Variants in SNTG1 observed in about 807,000 individuals in gnomAD.
SNTG1 encodes the protein gamma-1-syntrophin.
Under a neutral mutation model 74.7 loss-of-function variants are expected in SNTG1, and 39 were observed. The ratio of observed to expected loss-of-function variants is 0.52; its 90% CI spans 0.40 to 0.68. The LOEUF is 0.68. Ranked by LOEUF, SNTG1 falls within the 30% of genes least tolerant of loss-of-function variation. The probability of loss-of-function intolerance (pLI) is 0.00; values close to 1 mark genes in which losing one functional copy is unlikely to be tolerated. For synonymous variants in SNTG1, 254 were observed against 217.1 expected (o/e 1.17, Z -1.49); for missense variants, 685 against 609.5 (o/e 1.12, Z -1.30).
At chr8:50,175,217 GGT>G (rs1336461962) in intron 2 of SNTG1, among the ~76,000 whole-genome samples, 1 of 151,928 alleles carries the variant, frequency 6.6e-6, no homozygotes, top group Non-Finnish European at 1.5e-5. Flanking sequence ...TAGTCCTTTG[GGT>G]ATATACCCAG....
At chr8:49,953,653 C>A (rs140627396) in intron 1 of SNTG1, among the ~76,000 whole-genome samples, 1 of 152,156 alleles carries the variant, frequency 6.6e-6, no homozygotes, top group African/African-American at 2.4e-5. Context: ...GTTATCTCAT[C>A]AGGGTATGTT....
chr8:50,734,574 T>G (rs2131632402), intron 17 of SNTG1, among the ~76,000 whole-genome samples: 1 of 150,478 alleles, frequency 6.6e-6, no homozygotes, highest in Admixed American at 6.7e-5. Context: ...GATTTTGAAC[T>G]ATGTTGTTTC....
chr8:50,589,578 T>A (rs1255948187), intron 12 of SNTG1, among the ~76,000 whole-genome samples: 1 of 141,876 alleles, frequency 7.0e-6, no homozygotes, highest in African/African-American at 3.1e-5. Context: ...TGGTTCAGAC[T>A]ATTTTTCAGA....
chr8:50,605,808 GGCTTTTATTCA>G (rs2094808059), intron 13 of SNTG1, among the ~76,000 whole-genome samples: 1 of 152,012 alleles, frequency 6.6e-6, no homozygotes, highest in African/African-American at 2.4e-5. Flanking sequence ...TATCCACGGA[GGCTTTTATTCA>G]GCCATCTTGC....
chr8:50,270,236 G>C (rs968903672), intron 2 of SNTG1, among the ~76,000 whole-genome samples: 9 of 152,050 alleles, frequency 5.9e-5, no homozygotes, highest in Non-Finnish European at 1.3e-4. Flanking sequence ...TTTTATTTTT[G>C]TCCTATAGAG....
intron 1 of SNTG1, among the ~76,000 whole-genome samples, chr8:50,155,499 G>T (rs527366901): frequency 6.6e-6 from 1 of 151,900 alleles, no homozygotes; most frequent in Non-Finnish European, 1.5e-5. Context: ...CCTTTGGCTA[G>T]GCAAAAAATT....
intron 18 of SNTG1, among the ~76,000 whole-genome samples, chr8:50,754,691 TA>T (rs1244897345): frequency 6.6e-6 from 1 of 151,910 alleles, no homozygotes; most frequent in Non-Finnish European, 1.5e-5. Context: ...AATATTTGCC[TA>T]TTTTTTAGTT....
intron 2 of SNTG1, among the ~76,000 whole-genome samples, chr8:50,224,410 T>C (rs2085226202): frequency 6.6e-6 from 1 of 152,176 alleles, no homozygotes; most frequent in Admixed American, 6.5e-5. Context: ...AAAGAGCATA[T>C]GGCTAATCTG....
At chr8:50,771,119 G>A (rs1390960348) in intron 18 of SNTG1, among the ~76,000 whole-genome samples, 2 of 152,100 alleles carry the variant, frequency 1.3e-5, no homozygotes, top group East Asian at 1.9e-4. Flanking sequence ...CACTGGAAGT[G>A]GGTAATGACT....
intron 1 of SNTG1, among the ~76,000 whole-genome samples, chr8:50,048,292 G>C (rs1189343046): frequency 6.6e-6 from 1 of 151,924 alleles, no homozygotes; most frequent in East Asian, 1.9e-4. Flanking sequence ...GAAAAAAAGA[G>C]AAAGAAAAAA....
chr8:50,605,946 A>G (rs569207521), intron 13 of SNTG1, among the ~76,000 whole-genome samples: 4 of 152,248 alleles, frequency 2.6e-5, no homozygotes, highest in East Asian at 1.9e-4. Flanking sequence ...TATATGTTGA[A>G]CCATGTTTGC....
chr8:50,597,462 T>A lies in SNTG1; in HGVS notation c.849+6545T>A, dbSNP rs569634336. Among the ~76,000 whole-genome samples, 23 of 151,066 alleles carry A rather than the reference T, an allele frequency of 1.5e-4. No homozygotes were observed. In the South Asian group the frequency reaches 4.6e-3, roughly 30 times the overall value. On this transcript the variant is annotated intron_variant, in intron 13 of 18. Coordinates refer to ENST00000642720, the MANE Select transcript of SNTG1 (RefSeq NM_018967.5). ...CATGTTCTTTATTCATTCATCTGTA[T>A]ATGAACATTTAAGTTGATACCATAT...
rs146593083 is a variant in SNTG1, at chr8:50,634,109, C to A, written c.850-22800C>A. Among the ~76,000 whole-genome samples, 333 of 152,242 alleles carry A rather than the reference C, an allele frequency of 2.2e-3. 1 individual carries two copies. The highest frequency in any genetic ancestry group is 7.7e-3 in the African/African-American group (320 of 41,546). Reference sequence around the variant, plus strand: ...CTGTCCAGCCTCAGCACCCACCATGCGGAGTCAAACACTGACATGGTAGTC... The same window carrying A: ...CTGTCCAGCCTCAGCACCCACCATGAGGAGTCAAACACTGACATGGTAGTC... On this transcript the variant is annotated intron_variant, in intron 13 of 18. Transcript: ENST00000642720.
chr8:50,730,900 A>C (rs1234923972), intron 17 of SNTG1, among the ~76,000 whole-genome samples: 1 of 151,916 alleles, frequency 6.6e-6, no homozygotes, highest in Admixed American at 6.6e-5. Flanking sequence ...TAATAGAGGA[A>C]AAAACTTTGC....
chr8:50,573,050 T>C (rs2094557861), intron 12 of SNTG1, among the ~76,000 whole-genome samples: 1 of 152,096 alleles, frequency 6.6e-6, no homozygotes. Context: ...AAAAAATTGG[T>C]ATCGTTAAGA....
intron 18 of SNTG1, among the ~76,000 whole-genome samples, chr8:50,774,715 G>A (rs2131800866): frequency 6.6e-6 from 1 of 151,688 alleles, no homozygotes; most frequent in South Asian, 2.1e-4. Context: ...ACTTCTAATT[G>A]ATTTAAAAGA....
intron 1 of SNTG1, among the ~76,000 whole-genome samples, chr8:50,080,388 T>C (rs576088339): frequency 2.8e-4 from 42 of 152,306 alleles, no homozygotes; most frequent in African/African-American, 1.0e-3. Context: ...TGATATAAAA[T>C]TGTATCTTAC....
In SNTG1 at chr8:50,432,916, A is replaced by G. The variant is rs148766877; in HGVS notation, c.163-5627A>G. Among the ~76,000 whole-genome samples, 514 of 151,966 alleles carry G rather than the reference A, an allele frequency of 3.4e-3. 1 individual carries two copies. The highest frequency in any genetic ancestry group is 0.012 in the African/African-American group (492 of 41,466). On this transcript the variant is annotated intron_variant, in intron 4 of 18. Coordinates refer to ENST00000642720, the MANE Select transcript of SNTG1 (RefSeq NM_018967.5). ...AACGATTCTCCTGTCTCAGCTTCCCAAGTAGCTGGGATTACAGCGCACATC... is the reference window on the plus strand; with the variant it reads ...AACGATTCTCCTGTCTCAGCTTCCCGAGTAGCTGGGATTACAGCGCACATC...
intron 5 of SNTG1, 36 bp from the exon 6 acceptor site, chr8:50,449,632 G>T: frequency 6.6e-7 from 1 of 1,506,968 alleles, no homozygotes; most frequent in East Asian, 2.4e-5. Context: ...ATTTTTTTTA[G>T]ATTAAAAAGT....
Sources: gnomAD v4.1 joint callset for allele counts (sites outside exome capture counted in the v4.1 genomes callset) on GRCh38, gnomAD v4.1.1 for gene constraint, MANE v1.5 for transcripts, NCBI Gene and HGNC (gene_info 2026-07-23, HGNC 2026-07-21) for gene names.